The following KCNQ3 variants were observed in gnomAD, a reference collection of about 807,000 sequenced individuals.
The protein encoded by KCNQ3 is potassium voltage-gated channel subfamily KQT member 3.
Under a neutral mutation model 92.5 loss-of-function variants are expected in KCNQ3, and 30 were observed. That is an observed-to-expected ratio of 0.32 (90% confidence interval 0.24 to 0.44). KCNQ3 has a LOEUF of 0.44. Among genes scored for constraint, KCNQ3 ranks in the 20% least tolerant of loss-of-function variants. The pLI, the probability that KCNQ3 is intolerant of heterozygous loss-of-function variation, is 1.00. For synonymous variants in KCNQ3, 450 were observed against 468.8 expected, an observed-to-expected ratio of 0.96 and a Z score of 0.52; for missense variants, 913 against 1,140.3, an observed-to-expected ratio of 0.80 and a Z score of 2.87.
intron 1 of KCNQ3, among the ~76,000 whole-genome samples, chr8:132,396,099 G>T (rs1025027963): frequency 6.6e-6 from 1 of 152,178 alleles, no homozygotes; most frequent in Non-Finnish European, 1.5e-5. Context: ...AGAGGAGATG[G>T]CGCAGGAGAG....
intron 1 of KCNQ3, among the ~76,000 whole-genome samples, chr8:132,236,628 T>TTC (rs1814825203): frequency 6.6e-6 from 1 of 152,130 alleles, no homozygotes; most frequent in South Asian, 2.1e-4. Context: ...GACCCCAAGA[T>TTC]TCTCTGTCCC....
intron 1 of KCNQ3, among the ~76,000 whole-genome samples, chr8:132,283,289 A>G (rs983577528): frequency 5.9e-5 from 9 of 152,160 alleles, no homozygotes; most frequent in African/African-American, 2.2e-4. Context: ...TCTCCAGCAT[A>G]TAGTCCAGTA....
chr8:132,309,607 C>G (rs1817531092), intron 1 of KCNQ3, among the ~76,000 whole-genome samples: 1 of 152,228 alleles, frequency 6.6e-6, no homozygotes, highest in African/African-American at 2.4e-5. Flanking sequence ...GACAAGCGAG[C>G]TGCAACACCA....
intron 12 of KCNQ3, among the ~76,000 whole-genome samples, chr8:132,136,118 C>CA (rs67331428): frequency 0.11 from 4,372 of 40,028 alleles, 850 homozygotes; most frequent in African/African-American, 0.27. Context: ...GACTCCATCT[C>CA]AAAAAAAAAA....
At chr8:132,383,748 G>C (rs1819818426) in intron 1 of KCNQ3, among the ~76,000 whole-genome samples, 1 of 152,144 alleles carries the variant, frequency 6.6e-6, no homozygotes, top group African/African-American at 2.4e-5. Flanking sequence ...AGGTTTTCCT[G>C]ATGGAAAAGG....
At chr8:132,323,592 TA>T (rs1778544945) in intron 1 of KCNQ3, among the ~76,000 whole-genome samples, 1 of 152,196 alleles carries the variant, frequency 6.6e-6, no homozygotes, top group Non-Finnish European at 1.5e-5. Flanking sequence ...CCGTAGGTGC[TA>T]AAACCACGAT....
intron 1 of KCNQ3, among the ~76,000 whole-genome samples, chr8:132,238,873 T>C (rs1225204892): frequency 2.0e-5 from 3 of 152,028 alleles, no homozygotes; most frequent in African/African-American, 7.3e-5. Context: ...TGCAACCATA[T>C]GAATGAGGGA....
In KCNQ3 at chr8:132,480,657, C is replaced by G; in HGVS notation, c.-125G>C. ...CCGGGAACTCCAATGCCATGATCCG[C>G]GCGCCCCTCCCCACCCCCCCCCAAA... On this transcript the variant is annotated 5_prime_UTR_variant, in exon 1 of 15. Coordinates refer to ENST00000388996, the MANE Select transcript of KCNQ3 (RefSeq NM_004519.4). 5 of 1,017,300 alleles carry G rather than the reference C, an allele frequency of 4.9e-6. No homozygotes were observed. The highest frequency in any genetic ancestry group is 6.0e-6 in the Non-Finnish European group (5 of 830,032). 63.0% of individuals were successfully genotyped at this position (1,017,300 alleles called of 1,614,324 possible).
chr8:132,428,584 TA>T (rs1322493776), intron 1 of KCNQ3, among the ~76,000 whole-genome samples: 1 of 152,178 alleles, frequency 6.6e-6, no homozygotes, highest in Non-Finnish European at 1.5e-5. Context: ...TACCCTTCAC[TA>T]CAAATGGTGA....
chr8:132,384,465 A>C (rs944053372), intron 1 of KCNQ3, among the ~76,000 whole-genome samples: 2 of 152,212 alleles, frequency 1.3e-5, no homozygotes, highest in African/African-American at 2.4e-5. Context: ...GTCATGTACA[A>C]TGGAAGATAA....
chr8:132,197,478 C>T (rs1425727798), intron 1 of KCNQ3, among the ~76,000 whole-genome samples: 6 of 152,300 alleles, frequency 3.9e-5, no homozygotes, highest in African/African-American at 1.2e-4. Flanking sequence ...TTCCTTTCTC[C>T]CTGCAGGCTA....
intron 9 of KCNQ3, among the ~76,000 whole-genome samples, chr8:132,143,888 CTTAA>C (rs1271764664): frequency 6.6e-6 from 1 of 152,152 alleles, no homozygotes; most frequent in Non-Finnish European, 1.5e-5. Context: ...TACAATACTT[CTTAA>C]TGCTAGTTTA....
intron 1 of KCNQ3, among the ~76,000 whole-genome samples, chr8:132,435,802 G>C (rs1821379182): frequency 6.6e-6 from 1 of 152,100 alleles, no homozygotes. Flanking sequence ...CTCCCAAAGT[G>C]CTGGGATTAC....
chr8:132,296,005 C>T (rs940005198), intron 1 of KCNQ3, among the ~76,000 whole-genome samples: 1 of 152,160 alleles, frequency 6.6e-6, no homozygotes, highest in African/African-American at 2.4e-5. Flanking sequence ...AACAAACTTA[C>T]ATGTTGTGCA....
intron 1 of KCNQ3, among the ~76,000 whole-genome samples, chr8:132,282,406 T>C (rs1816549989): frequency 6.6e-6 from 1 of 152,166 alleles, no homozygotes; most frequent in Non-Finnish European, 1.5e-5. Context: ...GCCCACCATA[T>C]TGTTCCCAGT....
chr8:132,323,153 CTT>C (rs1389534324), intron 1 of KCNQ3, among the ~76,000 whole-genome samples: 1 of 152,204 alleles, frequency 6.6e-6, no homozygotes, highest in Non-Finnish European at 1.5e-5. Flanking sequence ...GGCCCGCACT[CTT>C]TATTAACAGC....
At chr8:132,396,266 G>A (rs1820191840) in intron 1 of KCNQ3, among the ~76,000 whole-genome samples, 1 of 152,070 alleles carries the variant, frequency 6.6e-6, no homozygotes, top group African/African-American at 2.4e-5. Context: ...CAGTTTCCAT[G>A]GAGCATCAAT....
In KCNQ3 at chr8:132,480,360, C is replaced by A. The variant is rs1822520136; in HGVS notation, c.173G>T (p.Gly58Val). 1.8e-5 allele frequency: 28 copies of A among 1,590,942 alleles called. No individual in the cohort carries two copies. Among genetic ancestry groups the A allele is most frequent in the Non-Finnish European group, 2.4e-5 (28 of 1,173,928 alleles). The change falls in exon 1 of 15, where the codon GGG becomes GTG. Residue 58 changes from glycine (G) to valine (V), a missense_variant. Gly to Val is a moderately radical substitution (Grantham distance 109). Coordinates refer to ENST00000388996, the MANE Select transcript of KCNQ3 (RefSeq NM_004519.4). ...GGTCCCGTCTTTGTCGGCTCCGGCC[C>A]CGAGCGCCAAGGTGACTTGCTCCAC... is the stretch of plus-strand genomic sequence containing the variant. ...GDVEQVTLALGAGADKDGTLL... is the reference protein window; with the variant it reads ...GDVEQVTLALVAGADKDGTLL...
At chr8:132,451,634 T>C (rs987345031) in intron 1 of KCNQ3, among the ~76,000 whole-genome samples, 2 of 152,178 alleles carry the variant, frequency 1.3e-5, no homozygotes, top group Non-Finnish European at 2.9e-5. Flanking sequence ...AACAGAAATG[T>C]AGGTGCAGGA....
Sources: allele counts gnomAD v4.1 joint callset (sites outside exome capture counted in the v4.1 genomes callset), GRCh38; gene constraint gnomAD v4.1.1; transcripts MANE v1.5; gene names NCBI Gene and HGNC (gene_info 2026-07-23, HGNC 2026-07-21).